ATP11A: variants seen among roughly 807,000 people sequenced by gnomAD.
The protein encoded by ATP11A is ATPase phospholipid transporting 11A.
In ATP11A, 81 loss-of-function variants were observed where a neutral mutation model predicts 154.4. The ratio of observed to expected loss-of-function variants is 0.52; its 90% CI spans 0.44 to 0.63. The LOEUF is 0.63. Ranked by LOEUF, ATP11A falls within the 30% of genes least tolerant of loss-of-function variation. ATP11A has a pLI of 0.00. For missense variants in ATP11A, 1,316 were observed against 1,474.3 expected (o/e 0.89, Z 1.76); for synonymous variants, 623 against 585.9 (o/e 1.06, Z -0.91).
chr13:112,774,219 T>C (rs1424405395), intron 1 of ATP11A, among the ~76,000 whole-genome samples: 4 of 152,252 alleles, frequency 2.6e-5, no homozygotes, highest in Admixed American at 6.5e-5. Context: ...TACTTGGGTC[T>C]GGTGCCAGGA....
chr13:112,831,966 CACAT>C (rs773055947), intron 13 of ATP11A, among the ~76,000 whole-genome samples: 8 of 149,318 alleles, frequency 5.4e-5, no homozygotes, highest in East Asian at 2.0e-4. Flanking sequence ...CACACACTCA[CACAT>C]GCCCAGACAC....
At chr13:112,772,589 CAAATG>C (rs1210974958) in intron 1 of ATP11A, among the ~76,000 whole-genome samples, 1 of 151,996 alleles carries the variant, frequency 6.6e-6, no homozygotes, top group African/African-American at 2.4e-5. Flanking sequence ...TCATCACCCT[CAAATG>C]AAACCCCGTG....
rs976217883 is a variant in ATP11A at position 112,876,110 on chromosome 13, A to G, written c.3327+169A>G. On this transcript the variant is annotated intron_variant, in intron 28 of 29. Coordinates refer to ENST00000375645, the MANE Select transcript of ATP11A (RefSeq NM_015205.3). Reference sequence around the variant, plus strand: ...GTGCATGATGTTAAACATCAGGTACATTTGCGATGACCGATGTCTAATTTT... The same window carrying G: ...GTGCATGATGTTAAACATCAGGTACGTTTGCGATGACCGATGTCTAATTTT... The G allele has an allele frequency of 1.2e-5, 7 of 601,654 alleles. No individual in the cohort carries two copies. In the East Asian group the frequency reaches 1.3e-4, roughly 11 times the overall value. The allele number at this position is 601,654 out of a possible 1,614,324, so 37.3% of individuals were successfully genotyped here.
At chr13:112,826,083 G>A (rs950657653) in intron 11 of ATP11A, among the ~76,000 whole-genome samples, 1 of 151,392 alleles carries the variant, frequency 6.6e-6, no homozygotes, top group African/African-American at 2.4e-5. Context: ...TAGCAGGGCC[G>A]TGTGCAAACC....
chr13:112,802,570 A>AAAC (rs2078168409), intron 2 of ATP11A, among the ~76,000 whole-genome samples: 1 of 151,536 alleles, frequency 6.6e-6, no homozygotes, highest in African/African-American at 2.4e-5. Context: ...AAAAAAAAAA[A>AAAC]AAACCCAGCA....
rs757441065 is a variant in ATP11A, at chr13:112,816,089, G to A, written c.448G>A (p.Asp150Asn). The A allele has an allele frequency of 8.1e-6, 13 of 1,614,180 alleles. No individual in the cohort carries two copies. Among genetic ancestry groups the A allele is most frequent in the Non-Finnish European group, 1.1e-5 (13 of 1,180,048 alleles). The change falls in exon 6 of 30, where the codon GAC becomes AAC. Residue 150 changes from aspartate (D) to asparagine (N), a missense_variant. Transcript: ENST00000375645. ...TTTCTGCTTTGTCCTGTAGGTTGGG[G>A]ACATTGTCATGGTTAAGGAGGACGA... ...RKQSRKLRVG[D>N]IVMVKEDETF...
chr13:112,833,869 CG>C (rs1566547575), intron 14 of ATP11A, among the ~76,000 whole-genome samples: 1 of 152,232 alleles, frequency 6.6e-6, no homozygotes, highest in African/African-American at 2.4e-5. Context: ...CAGGCTACCC[CG>C]CCCACCTTTG....
chr13:112,786,037 G>A (rs1453325078), intron 2 of ATP11A, among the ~76,000 whole-genome samples: 27 of 97,948 alleles, frequency 2.8e-4, no homozygotes, highest in East Asian at 2.1e-3. Context: ...TGCTTTCCAG[G>A]TAATGCGGAA....
rs1420521434 is a variant in ATP11A, at chr13:112,882,949, CCTCTGCCCGCCTCCCGCACTGCAG to C, written c.*1087_*1110del. 3 of 399,160 alleles carry C rather than the reference CCTCTGCCCGCCTCCCGCACTGCAG, an allele frequency of 7.5e-6. No homozygotes were observed. Among genetic ancestry groups the C allele is most frequent in the Non-Finnish European group, 1.3e-5 (3 of 226,600 alleles). The allele number at this position is 399,160 out of a possible 1,614,324, so 24.7% of individuals were successfully genotyped here. On this transcript the variant is annotated 3_prime_UTR_variant, in exon 30 of 30. Coordinates refer to ENST00000375645, the MANE Select transcript of ATP11A (RefSeq NM_015205.3). This position sits in a 1 kb window ranked among gnomAD's most constrained non-coding sequence, Gnocchi z 5.1. Reference sequence around the variant, plus strand: ...GTGGATCCCAACAGGCAGCACCGCACCTCTGCCCGCCTCCCGCACTGCAGCTCCGCCCGCCGGGCTCTGCGTCCC... The same window carrying C: ...GTGGATCCCAACAGGCAGCACCGCACCTCCGCCCGCCGGGCTCTGCGTCCC...
At position 112,794,832 on chromosome 13, in the gene ATP11A, C is replaced by T. The variant is rs139595195; in HGVS notation, c.162+9575C>T. 4.6e-3 allele frequency among the ~76,000 whole-genome samples: 698 copies of T among 152,066 alleles called. 7 individuals carry two copies. The highest frequency in any genetic ancestry group is 0.016 in the African/African-American group (654 of 41,474). ...GCAGTGAGCCGAGATTGTGCCAACGCACTCCAGCCTGGGTGACAGACAGAG... is the reference window on the plus strand; with the variant it reads ...GCAGTGAGCCGAGATTGTGCCAACGTACTCCAGCCTGGGTGACAGACAGAG... On this transcript the variant is annotated intron_variant, in intron 2 of 29. Transcript: ENST00000375645.
In ATP11A at chr13:112,826,734, T is replaced by C; in HGVS notation, c.1064T>C (p.Leu355Pro). The C allele has an allele frequency of 6.2e-7, 1 of 1,614,212 alleles. No individual in the cohort carries two copies. The highest frequency in any genetic ancestry group is 1.3e-5 in the African/African-American group (1 of 75,062). The part of the protein sequence containing the change: ...AFTDFLAFMV[L>P]FNYIIPVSMY... The stretch of plus-strand genomic sequence containing the variant: ...ACGGACTTCCTGGCCTTCATGGTCC[T>C]CTTTAACTACATCATCCCTGTGTCC... The change falls in exon 12 of 30, where the codon CTC becomes CCC. Residue 355 changes from leucine to proline, a missense_variant. Around this residue, in one of 5 missense-constraint regions of ATP11A, gnomAD observed 876 missense variants for 1,006.8 expected, o/e 0.87. Coordinates refer to ENST00000375645, the MANE Select transcript of ATP11A (RefSeq NM_015205.3).
At chr13:112,728,329 G>A (rs1339163370) in intron 1 of ATP11A, among the ~76,000 whole-genome samples, 4 of 146,822 alleles carry the variant, frequency 2.7e-5, no homozygotes, top group Non-Finnish European at 4.5e-5. Flanking sequence ...ACTGCGGCCC[G>A]CCTCCCTGTG....
chr13:112,781,373 A>T (rs531772713), intron 1 of ATP11A, among the ~76,000 whole-genome samples: 1 of 152,210 alleles, frequency 6.6e-6, no homozygotes, highest in East Asian at 1.9e-4. Flanking sequence ...CCGTTTATGC[A>T]CAGTATGTCT....
chr13:112,704,833 G>A (rs1886965543), intron 1 of ATP11A, among the ~76,000 whole-genome samples: 1 of 152,248 alleles, frequency 6.6e-6, no homozygotes, highest in South Asian at 2.1e-4. Context: ...GGACAATGAG[G>A]TCCTGCCAGT....
chr13:112,731,209 T>TC (rs1317059653), intron 1 of ATP11A, among the ~76,000 whole-genome samples: 1 of 152,134 alleles, frequency 6.6e-6, no homozygotes, highest in Non-Finnish European at 1.5e-5. Flanking sequence ...GCTCCAGTGA[T>TC]CCGCCTGCCT....
chr13:112,787,866 T>G (rs1488829522), intron 2 of ATP11A, among the ~76,000 whole-genome samples: 4 of 149,334 alleles, frequency 2.7e-5, no homozygotes, highest in Non-Finnish European at 5.9e-5. Context: ...TATAGACCCT[T>G]GTGGAGACCT....
chr13:112,795,965 A>G (rs2077988636), intron 2 of ATP11A, among the ~76,000 whole-genome samples: 1 of 152,252 alleles, frequency 6.6e-6, no homozygotes, highest in Non-Finnish European at 1.5e-5. Context: ...TGTGTTTCAT[A>G]GTATGCTAAA....
At chr13:112,766,509 C>T (rs369517189) in intron 1 of ATP11A, among the ~76,000 whole-genome samples, 14 of 152,258 alleles carry the variant, frequency 9.2e-5, no homozygotes, top group South Asian at 2.1e-4. Flanking sequence ...AGGTGCGTCC[C>T]GGCTGAATCT....
intron 2 of ATP11A, among the ~76,000 whole-genome samples, chr13:112,789,942 A>G (rs147412378): frequency 1.6e-3 from 228 of 146,396 alleles, no homozygotes; most frequent in African/African-American, 5.4e-3. Context: ...GTGGACTCCT[A>G]TGTATACCTA....
Sources: allele counts gnomAD v4.1 joint callset (sites outside exome capture counted in the v4.1 genomes callset), GRCh38; gene constraint gnomAD v4.1.1; regional missense constraint gnomAD v4.1.1; non-coding constraint Gnocchi (gnomAD v3.1); transcripts MANE v1.5; gene names NCBI Gene and HGNC (gene_info 2026-07-23, HGNC 2026-07-21).